ADORA2B: variants seen among roughly 807,000 people sequenced by gnomAD.
ADORA2B encodes adenosine A2b receptor.
In ADORA2B, 18 loss-of-function variants were observed where a neutral mutation model predicts 20.8. The observed-to-expected ratio is 0.87, with a 90% CI of 0.60 to 1.29. The LOEUF is 1.29. Among genes scored for constraint, ADORA2B ranks in the 50% most tolerant of loss-of-function variants. ADORA2B has a pLI of 0.00. For synonymous variants in ADORA2B, 179 were observed against 178.3 expected, an observed-to-expected ratio of 1.00 and a Z score of -0.03; for missense variants, 441 against 422.7, an observed-to-expected ratio of 1.04 and a Z score of -0.38.
the ADORA2B span, among the ~76,000 whole-genome samples, chr17:15,885,498 G>C: frequency 6.6e-6 from 1 of 152,160 alleles, no homozygotes; most frequent in Non-Finnish European, 1.5e-5. Context: ...CAGATCACTT[G>C]AGGTCAGGAG....
At chr17:15,891,995 T>C in the ADORA2B span, among the ~76,000 whole-genome samples, 49,088 of 150,126 alleles carry the variant, frequency 0.33, 8,703 homozygotes, top group African/African-American at 0.46. Context: ...ACTACAGGCA[T>C]GCACCACCAT....
chr17:15,969,889 C>T (rs1027667724), intron 1 of ADORA2B, among the ~76,000 whole-genome samples: 13 of 152,180 alleles, frequency 8.5e-5, no homozygotes, highest in Non-Finnish European at 1.8e-4. Context: ...CCATGGGTCC[C>T]GGTGCCTATG....
the ADORA2B span, among the ~76,000 whole-genome samples, chr17:15,879,179 A>G: frequency 6.6e-6 from 1 of 152,210 alleles, no homozygotes; most frequent in African/African-American, 2.4e-5. Flanking sequence ...GGCCAAGTGC[A>G]GTAGCTCACA....
the ADORA2B span, among the ~76,000 whole-genome samples, chr17:15,864,935 G>T: frequency 2.6e-5 from 4 of 151,112 alleles, no homozygotes; most frequent in East Asian, 7.7e-4. Flanking sequence ...TGGGTTTTGT[G>T]ATCAGTGGGA....
At chr17:15,877,887 G>C in the ADORA2B span, among the ~76,000 whole-genome samples, 1 of 151,994 alleles carries the variant, frequency 6.6e-6, no homozygotes, top group Non-Finnish European at 1.5e-5. Context: ...GCTGGCTTGG[G>C]ATTTAGTTTG....
the ADORA2B span, among the ~76,000 whole-genome samples, chr17:15,896,664 C>G: frequency 1.3e-5 from 2 of 152,196 alleles, no homozygotes; most frequent in South Asian, 4.1e-4. Context: ...ATCAGGGCCC[C>G]AGAGTGTCTC....
At chr17:15,920,290 G>T in the ADORA2B span, among the ~76,000 whole-genome samples, 5 of 152,106 alleles carry the variant, frequency 3.3e-5, no homozygotes, top group African/African-American at 1.2e-4. Context: ...TCAGGTGATG[G>T]CTATACCAAA....
the ADORA2B span, among the ~76,000 whole-genome samples, chr17:15,904,669 C>A: frequency 8.5e-4 from 129 of 152,296 alleles, no homozygotes; most frequent in African/African-American, 2.7e-3. Context: ...AGCCACCGCG[C>A]CCGGCCTGTA....
the ADORA2B span, among the ~76,000 whole-genome samples, chr17:15,911,925 C>G: frequency 3.9e-3 from 587 of 152,170 alleles, 4 homozygotes; most frequent in Middle Eastern, 0.02. Flanking sequence ...AAAAATTAGC[C>G]AGGCCAGCTG....
intron 1 of ADORA2B, among the ~76,000 whole-genome samples, chr17:15,967,801 G>A (rs1445834332): frequency 6.6e-6 from 1 of 152,196 alleles, no homozygotes; most frequent in Non-Finnish European, 1.5e-5. Context: ...CTGTCCTGTA[G>A]CTCTCCGTAC....
chr17:15,952,291 G>A (rs542665085), intron 1 of ADORA2B, among the ~76,000 whole-genome samples: 47 of 152,248 alleles, frequency 3.1e-4, no homozygotes, highest in Non-Finnish European at 4.6e-4. Context: ...TTTCAGTCTT[G>A]TGAATGGCAG....
the ADORA2B span, among the ~76,000 whole-genome samples, chr17:15,852,920 A>G: frequency 1.3e-5 from 2 of 152,102 alleles, no homozygotes; most frequent in East Asian, 3.8e-4. Flanking sequence ...AGGGAAAACA[A>G]GAAAAACAAG....
At chr17:15,861,616 T>C in the ADORA2B span, among the ~76,000 whole-genome samples, 3 of 152,180 alleles carry the variant, frequency 2.0e-5, no homozygotes, top group Non-Finnish European at 4.4e-5. Flanking sequence ...GAGAGGCATT[T>C]TGAAATCAGT....
the ADORA2B span, among the ~76,000 whole-genome samples, chr17:15,882,093 G>C: frequency 1.3e-5 from 2 of 152,192 alleles, no homozygotes; most frequent in South Asian, 4.1e-4. Flanking sequence ...AGGAAAAGGG[G>C]AGAGTGTTTT....
At chr17:15,962,105 C>A (rs909300179) in intron 1 of ADORA2B, among the ~76,000 whole-genome samples, 7 of 152,116 alleles carry the variant, frequency 4.6e-5, no homozygotes, top group African/African-American at 1.7e-4. Flanking sequence ...GAGTTCAAGA[C>A]CATCCTGGCT....
chr17:15,929,414 A>AGAACCATCAAGGAG, the ADORA2B span, among the ~76,000 whole-genome samples: 4 of 152,170 alleles, frequency 2.6e-5, no homozygotes, highest in Non-Finnish European at 1.5e-5. Flanking sequence ...AGGCTACAGT[A>AGAACCATCAAGGAG]GAACCATCAA....
chr17:15,891,687 CTT>C, the ADORA2B span, among the ~76,000 whole-genome samples: 2 of 147,176 alleles, frequency 1.4e-5, no homozygotes, highest in African/African-American at 5.0e-5. Flanking sequence ...CACTTTCTCT[CTT>C]TTTTTTTTTC....
intron 1 of ADORA2B, among the ~76,000 whole-genome samples, chr17:15,964,554 A>T (rs140908923): frequency 0.024 from 3,548 of 150,446 alleles, 94 homozygotes; most frequent in Non-Finnish European, 0.036. Flanking sequence ...GGTTGCAGTG[A>T]GCCGAGATCA....
the ADORA2B span, among the ~76,000 whole-genome samples, chr17:15,922,884 A>T: frequency 6.6e-6 from 1 of 152,234 alleles, no homozygotes; most frequent in East Asian, 1.9e-4. Context: ...CTAATAGGTG[A>T]GAAGTGGTGT....
Sources: gnomAD v4.1 joint callset for allele counts (sites outside exome capture counted in the v4.1 genomes callset) on GRCh38, gnomAD v4.1.1 for gene constraint, MANE v1.5 for transcripts, NCBI Gene and HGNC (gene_info 2026-07-23, HGNC 2026-07-21) for gene names.